CLEC16A: variants seen among roughly 807,000 people sequenced by gnomAD.
CLEC16A encodes the protein C-type lectin domain containing 16A, also known as protein CLEC16A.
In CLEC16A, 51 loss-of-function variants were observed where a neutral mutation model predicts 109.5. The observed-to-expected ratio is 0.47, with a 90% CI of 0.37 to 0.59. The LOEUF is 0.59. Ranked by LOEUF, CLEC16A falls within the 20% of genes least tolerant of loss-of-function variation. The pLI is 0.00. For synonymous variants in CLEC16A, 673 were observed against 564.2 expected (o/e 1.19, Z -2.73); for missense variants, 1,339 against 1,394.0 (o/e 0.96, Z 0.63).
rs561623880 is a variant in CLEC16A, at chr16:10,951,393, T to A, written c.81-6389T>A. ...TTGGTTTATCTATTTGGTGTTTTTT[T>A]AATTTATTTTTTGTGTGTTAGGCAT... On this transcript the variant is annotated intron_variant, in intron 1 of 23. Transcript: ENST00000409790. 5.9e-5 allele frequency among the ~76,000 whole-genome samples: 9 copies of A among 152,342 alleles called. No homozygotes were observed. In the East Asian group the frequency reaches 1.3e-3, roughly 23 times the overall value.
At chr16:11,016,420 C>G (rs1364922852) in intron 11 of CLEC16A, among the ~76,000 whole-genome samples, 1 of 151,072 alleles carries the variant, frequency 6.6e-6, no homozygotes, top group Non-Finnish European at 1.5e-5. Flanking sequence ...CCAATCTTGG[C>G]TCACTGCAAC....
At chr16:11,156,578 G>A (rs1597591306) in intron 22 of CLEC16A, 1 of 1,304,080 alleles carries the variant, frequency 7.7e-7, no homozygotes, top group Non-Finnish European at 1.0e-6. Flanking sequence ...TTTCAGCCCT[G>A]CTGACTGCCG....
chr16:11,127,006 A>G (rs940368938), intron 22 of CLEC16A, among the ~76,000 whole-genome samples: 4 of 152,214 alleles, frequency 2.6e-5, no homozygotes, highest in African/African-American at 9.6e-5. Flanking sequence ...TTTTAGTTTC[A>G]TTGTTTGATA....
At chr16:10,951,336 T>C (rs1313448750) in intron 1 of CLEC16A, among the ~76,000 whole-genome samples, 1 of 152,266 alleles carries the variant, frequency 6.6e-6, no homozygotes, top group Non-Finnish European at 1.5e-5. Context: ...ATAAGGACTT[T>C]CCATAAGATC....
intron 17 of CLEC16A, chr16:11,048,168 T>C (rs1219950963): frequency 2.0e-5 from 3 of 152,428 alleles, no homozygotes; most frequent in African/African-American, 7.2e-5. Flanking sequence ...GCCACGCTTC[T>C]AGAGGAGGAC....
intron 1 of CLEC16A, among the ~76,000 whole-genome samples, chr16:10,948,107 A>C (rs958018639): frequency 3.3e-5 from 5 of 152,052 alleles, no homozygotes; most frequent in Admixed American, 2.6e-4. Flanking sequence ...GTTAGCCAGG[A>C]TGGTCTCGAT....
intron 19 of CLEC16A, among the ~76,000 whole-genome samples, chr16:11,077,418 G>C (rs1272147868): frequency 6.7e-6 from 1 of 148,746 alleles, no homozygotes; most frequent in East Asian, 2.0e-4. Context: ...GTTACAGTGA[G>C]CCAAGATTGT....
intron 19 of CLEC16A, among the ~76,000 whole-genome samples, chr16:11,111,400 G>A (rs530763863): frequency 6.6e-6 from 1 of 152,236 alleles, no homozygotes; most frequent in African/African-American, 2.4e-5. Flanking sequence ...ACAACATGGT[G>A]GATAGGTTCC....
rs746334488 is a variant in CLEC16A at position 11,166,560 on chromosome 16, C to T, written c.2806+8C>T. 5 of 1,578,434 alleles carry T rather than the reference C, an allele frequency of 3.2e-6. No homozygotes were observed. The highest frequency in any genetic ancestry group is 2.3e-5 in the South Asian group (2 of 87,814). On this transcript the variant is annotated splice_region_variant and intron_variant, in intron 23 of 23. Transcript: ENST00000409790. ...CAGCCCAGAGTCCAGCAGGTATTGG[C>T]CACGTGACTCAGTGATATGGGGACA...
chr16:10,981,640 T>A (rs573712364), intron 9 of CLEC16A, among the ~76,000 whole-genome samples: 21 of 152,346 alleles, frequency 1.4e-4, no homozygotes, highest in African/African-American at 5.1e-4. Context: ...TGTTGATTTT[T>A]GCCTTCACTT....
chr16:11,013,718 C>T (rs886805946), intron 11 of CLEC16A, among the ~76,000 whole-genome samples: 1 of 152,044 alleles, frequency 6.6e-6, no homozygotes, highest in Non-Finnish European at 1.5e-5. Context: ...AAGATCACGC[C>T]ACCGCACTCC....
intron 19 of CLEC16A, among the ~76,000 whole-genome samples, chr16:11,064,436 C>G (rs2048654989): frequency 6.6e-6 from 1 of 152,206 alleles, no homozygotes; most frequent in Non-Finnish European, 1.5e-5. Flanking sequence ...TCTTTGTAAT[C>G]TTCCCCAGAG....
chr16:11,098,802 G>A (rs1252247197), intron 19 of CLEC16A, among the ~76,000 whole-genome samples: 1 of 152,174 alleles, frequency 6.6e-6, no homozygotes, highest in Admixed American at 6.5e-5. Context: ...CAACTCCTTC[G>A]TTCAAGAGCC....
rs1158560736 is a variant in CLEC16A, at chr16:10,954,215, G to A, written c.81-3567G>A. ...TCTTCCTGGCCACAGGTCTGTGGGC[G>A]AGCTACTGAACGTCGCCAAACCTCA... On this transcript the variant is annotated intron_variant, in intron 1 of 23. Transcript: ENST00000409790. This position sits in a 1 kb window ranked among gnomAD's most constrained non-coding sequence, Gnocchi z 4.2. Among the ~76,000 whole-genome samples the A allele has an allele frequency of 1.3e-5, 2 of 152,162 alleles. No homozygotes were observed. Among genetic ancestry groups the A allele is most frequent in the African/African-American group, 4.8e-5 (2 of 41,422 alleles).
rs921611185 is a variant in CLEC16A, at chr16:11,174,280, A to G, written c.2807-4055A>G. 3 of 460,686 alleles carry G rather than the reference A, an allele frequency of 6.5e-6. No homozygotes were observed. The highest frequency in any genetic ancestry group is 8.9e-6 in the Non-Finnish European group (2 of 224,772). The allele number at this position is 460,686 out of a possible 1,614,324, so 28.5% of individuals were successfully genotyped here. A position where few individuals can be genotyped will look rare whatever the true frequency, so the allele number is the denominator to read the frequency against. On this transcript the variant is annotated intron_variant, in intron 23 of 23. Coordinates refer to ENST00000409790, the MANE Select transcript of CLEC16A (RefSeq NM_015226.3). The surrounding 1 kb of genome is among the most constrained non-coding windows in gnomAD (Gnocchi z 4.7). Reference sequence around the variant, plus strand: ...CACCTCACGCACAGTCAATTCAGGCAGGTCTCCCCTGTGAGCCGCTCGGGC... The same window carrying G: ...CACCTCACGCACAGTCAATTCAGGCGGGTCTCCCCTGTGAGCCGCTCGGGC...
At chr16:11,103,803 A>G (rs2051061398) in intron 19 of CLEC16A, among the ~76,000 whole-genome samples, 1 of 151,834 alleles carries the variant, frequency 6.6e-6, no homozygotes. Context: ...AGAGTCCAGC[A>G]CCCCCAGAAA....
At chr16:11,141,430 C>G (rs1187311053) in intron 22 of CLEC16A, among the ~76,000 whole-genome samples, 5 of 152,194 alleles carry the variant, frequency 3.3e-5, no homozygotes, top group South Asian at 2.1e-4. Context: ...TGGTGGGGGC[C>G]TCAACAGGGC....
intron 22 of CLEC16A, among the ~76,000 whole-genome samples, chr16:11,153,577 C>T (rs1361644623): frequency 1.3e-5 from 2 of 150,344 alleles, no homozygotes; most frequent in Non-Finnish European, 3.0e-5. Flanking sequence ...ATACTAGATA[C>T]GTTCCTTAAA....
In CLEC16A at chr16:11,156,757, G is replaced by A. The variant is rs547538454; in HGVS notation, c.2642-9631G>A. 5.1e-4 allele frequency: 488 copies of A among 954,046 alleles called. 2 individuals are homozygous for A. In the African/African-American group the frequency reaches 7.7e-3, roughly 15 times the overall value. 59.1% of individuals were successfully genotyped at this position (954,046 alleles called of 1,614,324 possible). On this transcript the variant is annotated intron_variant, in intron 22 of 23. Transcript: ENST00000409790. The stretch of plus-strand genomic sequence containing the variant: ...CTTGGGAATCAAGCCCAGCCCTGGC[G>A]ACCTTCAGTTCTAGAAATCCAAAGC...
Sources: gnomAD v4.1 joint callset for allele counts (sites outside exome capture counted in the v4.1 genomes callset) on GRCh38, gnomAD v4.1.1 for gene constraint, Gnocchi (gnomAD v3.1) non-coding constraint, MANE v1.5 for transcripts, NCBI Gene and HGNC (gene_info 2026-07-23, HGNC 2026-07-21) for gene names.